The following ZNF556 variants were observed in gnomAD, a reference collection of about 807,000 sequenced individuals.
ZNF556 encodes zinc finger protein 556.
Under a neutral mutation model 13.6 loss-of-function variants are expected in ZNF556, and 11 were observed. That is an observed-to-expected ratio of 0.81 (90% CI 0.51 to 1.33). The LOEUF is 1.33. ZNF556 is among the 40% of genes most tolerant of loss of function. The pLI, the probability that ZNF556 is intolerant of heterozygous loss-of-function variation, is 0.00. For synonymous variants in ZNF556, 229 were observed against 207.8 expected, an observed-to-expected ratio of 1.10 and a Z score of -0.88; for missense variants, 633 against 566.2, an observed-to-expected ratio of 1.12 and a Z score of -1.20.
rs756162197 is a variant in ZNF556 at position 2,877,419 on chromosome 19, A to G, written c.461A>G (p.Lys154Arg). 1.2e-6 allele frequency: 2 copies of G among 1,614,110 alleles called. No homozygotes were observed. Among genetic ancestry groups the G allele is most frequent in the Non-Finnish European group, 1.7e-6 (2 of 1,180,036 alleles). The change falls in exon 4 of 4, where the codon AAA (lysine) becomes AGA (arginine). Residue 154 changes from lysine (K) to arginine (R), a missense_variant. Transcript: ENST00000307635. The part of the protein sequence containing the change: ...VRRYECSQCG[K>R]LFTHSSSLIR... ...CGGTACGAATGCAGTCAGTGTGGAA[A>G]ACTCTTCACCCATTCCTCATCCCTG... is the stretch of plus-strand genomic sequence containing the variant.
At chr19:2,873,242 G>T (rs1390553360) in intron 1 of ZNF556, among the ~76,000 whole-genome samples, 1 of 152,142 alleles carries the variant, frequency 6.6e-6, no homozygotes, top group South Asian at 2.1e-4. Context: ...CTTCATGGCA[G>T]TCATTTCCCA....
At chr19:2,871,193 T>A (rs1350477001) in intron 1 of ZNF556, among the ~76,000 whole-genome samples, 1 of 151,590 alleles carries the variant, frequency 6.6e-6, no homozygotes, top group African/African-American at 2.4e-5. Flanking sequence ...GACATACACA[T>A]ATATACAGTT....
intron 2 of ZNF556, chr19:2,875,393 C>T (rs1422619933): frequency 6.6e-6 from 1 of 151,818 alleles, no homozygotes; most frequent in Non-Finnish European, 1.5e-5. Context: ...CAGGGTTTCA[C>T]CATGTTAGCC....
Position 2,883,026 on chromosome 19 carries a change from T to C in ZNF556, c.*4697T>C, listed in dbSNP as rs939694654. The C allele has an allele frequency of 1.3e-5, 2 of 152,236 alleles. No homozygotes were observed. Among genetic ancestry groups the C allele is most frequent in the Non-Finnish European group, 2.9e-5 (2 of 68,048 alleles). 9.4% of individuals were successfully genotyped at this position (152,236 alleles called of 1,614,324 possible). A position where few individuals can be genotyped will look rare whatever the true frequency, so the allele number is the denominator to read the frequency against. ...CCCCTACACACTGATGGAAAAATTG[T>C]GTTCTGCAGAAAACTAGAGTTCCTC... On this transcript the variant is annotated 3_prime_UTR_variant, in exon 4 of 4. Transcript: ENST00000307635.
intron 2 of ZNF556, among the ~76,000 whole-genome samples, chr19:2,874,246 G>A (rs1313037753): frequency 6.6e-6 from 1 of 151,972 alleles, no homozygotes; most frequent in Non-Finnish European, 1.5e-5. Flanking sequence ...CATAGAGTGA[G>A]ACTCCGTCTC....
chr19:2,867,469 G>C, intron 1 of ZNF556, 45 bp downstream of exon 1: 1 of 1,571,638 alleles, frequency 6.4e-7, no homozygotes, highest in Non-Finnish European at 8.6e-7. Context: ...GCCCTGGGAG[G>C]GGAGGGTTGG....
In ZNF556 at chr19:2,879,193, A is replaced by G. The variant is rs909290338; in HGVS notation, c.*864A>G. The stretch of plus-strand genomic sequence containing the variant: ...GCTATTGGTCAGAGAATCCTTCTTC[A>G]TTTTGCTTGTGGACTAATAGGTAGT... On this transcript the variant is annotated 3_prime_UTR_variant, in exon 4 of 4. Transcript: ENST00000307635. The G allele has an allele frequency of 1.3e-5, 2 of 152,092 alleles. No homozygotes were observed. The highest frequency in any genetic ancestry group is 4.8e-5 in the African/African-American group (2 of 41,414). 9.4% of individuals were successfully genotyped at this position (152,092 alleles called of 1,614,324 possible).
rs2087764002 is a variant in ZNF556, at chr19:2,867,355, G to A, written c.-67G>A. ...GCCCTGAGTGACCACAGGTGTCCCC[G>A]TCGTGCTCACCTGCACCGGCTGCGA... On this transcript the variant is annotated 5_prime_UTR_variant, in exon 1 of 4. Coordinates refer to ENST00000307635, the MANE Select transcript of ZNF556 (RefSeq NM_024967.3). 3.2e-6 allele frequency: 5 copies of A among 1,558,328 alleles called. No homozygotes were observed. The highest frequency in any genetic ancestry group is 2.3e-5 in the East Asian group (1 of 42,556).
chr19:2,868,367 T>C (rs1230174372), intron 1 of ZNF556, among the ~76,000 whole-genome samples: 1 of 152,250 alleles, frequency 6.6e-6, no homozygotes, highest in Non-Finnish European at 1.5e-5. Flanking sequence ...TATTCTCCTT[T>C]TCCAGGATGG....
chr19:2,877,612 C>T lies in ZNF556; in HGVS notation c.654C>T (p.Leu218=), dbSNP rs535219389. Residue 218 remains leucine, a synonymous_variant, in exon 4 of 4, where the codon CTC becomes CTT. Coordinates refer to ENST00000307635, the MANE Select transcript of ZNF556 (RefSeq NM_024967.3). Reference sequence around the variant, plus strand: ...AGACATTTCTTCGTTCCCACTCTCTCACTGAACATGTAAGGACTCACACTG... The same window carrying T: ...AGACATTTCTTCGTTCCCACTCTCTTACTGAACATGTAAGGACTCACACTG... The part of the protein sequence containing the change: ...CGKTFLRSHS[L]TEHVRTHTGE... 15 of 1,614,068 alleles carry T rather than the reference C, an allele frequency of 9.3e-6. No homozygotes were observed. Among genetic ancestry groups the T allele is most frequent in the African/African-American group, 1.3e-5 (1 of 74,926 alleles).
Position 2,882,513 on chromosome 19 carries a change from T to TTATATATATATATATA in ZNF556, c.*4187_*4202dup, listed in dbSNP as rs10624714. The TTATATATATATATATA allele has an allele frequency of 7.2e-6, 1 of 138,880 alleles. No homozygotes were observed. Among genetic ancestry groups the TTATATATATATATATA allele is most frequent in the African/African-American group, 2.7e-5 (1 of 36,620 alleles). 8.6% of individuals were successfully genotyped at this position (138,880 alleles called of 1,614,324 possible). Reference sequence around the variant, plus strand: ...AATTTTAGGGCATGATGTATACATTTTATATATATATATATATAGTGTGTG... The same window carrying TTATATATATATATATA: ...AATTTTAGGGCATGATGTATACATTTTATATATATATATATATATATATATATATATATAGTGTGTG... On this transcript the variant is annotated 3_prime_UTR_variant, in exon 4 of 4. Coordinates refer to ENST00000307635, the MANE Select transcript of ZNF556 (RefSeq NM_024967.3).
chr19:2,879,114 A>G lies in ZNF556; in HGVS notation c.*785A>G, dbSNP rs750789142. ...CCTTTCCATTTTACAGGGAAAAACT[A>G]TTTTTAATGTTAATACTTTCTACTT... On this transcript the variant is annotated 3_prime_UTR_variant, in exon 4 of 4. Coordinates refer to ENST00000307635, the MANE Select transcript of ZNF556 (RefSeq NM_024967.3). 3 of 152,078 alleles carry G rather than the reference A, an allele frequency of 2.0e-5. No individual in the cohort carries two copies. The highest frequency in any genetic ancestry group is 6.6e-5 in the Admixed American group (1 of 15,240). 9.4% of individuals were successfully genotyped at this position (152,078 alleles called of 1,614,324 possible). A position where few individuals can be genotyped will look rare whatever the true frequency, so the allele number is the denominator to read the frequency against.
chr19:2,873,344 T>C, intron 1 of ZNF556, 152 bp from the exon 2 acceptor site: 1 of 855,754 alleles, frequency 1.2e-6, no homozygotes, highest in Non-Finnish European at 1.8e-6. Flanking sequence ...AGGAAGTGAT[T>C]ACAGACAGAG....
chr19:2,881,286 T>C lies in ZNF556; in HGVS notation c.*2957T>C, dbSNP rs929208346. ...ACTAATAAAACAAGTTTAAACTTTA[T>C]TGGAGCCCAGTAGCAATGGCTCACG... On this transcript the variant is annotated 3_prime_UTR_variant, in exon 4 of 4. Coordinates refer to ENST00000307635, the MANE Select transcript of ZNF556 (RefSeq NM_024967.3). 1 of 152,210 alleles carries C rather than the reference T, an allele frequency of 6.6e-6. No individual in the cohort carries two copies. The highest frequency in any genetic ancestry group is 1.5e-5 in the Non-Finnish European group (1 of 68,044). The allele number at this position is 152,210 out of a possible 1,614,324, so 9.4% of individuals were successfully genotyped here.
chr19:2,882,162 T>A lies in ZNF556; in HGVS notation c.*3833T>A, dbSNP rs2087908729. The A allele has an allele frequency of 6.6e-6, 1 of 152,118 alleles. No homozygotes were observed. 9.4% of individuals were successfully genotyped at this position (152,118 alleles called of 1,614,324 possible). A position where few individuals can be genotyped will look rare whatever the true frequency, so the allele number is the denominator to read the frequency against. On this transcript the variant is annotated 3_prime_UTR_variant, in exon 4 of 4. Transcript: ENST00000307635. ...TATTTCCCTGGCCGGGCGCGGTGGC[T>A]CACGCCTGTAATCCCAGCACTTTGG...
intron 3 of ZNF556, 25 bp downstream of exon 3, chr19:2,876,301 G>T: frequency 1.3e-6 from 2 of 1,548,824 alleles, no homozygotes; most frequent in Non-Finnish European, 1.7e-6. Flanking sequence ...GAAGAAAAAG[G>T]CAGTATCGCC....
chr19:2,878,641 A>C lies in ZNF556; in HGVS notation c.*312A>C, dbSNP rs1171070288. On this transcript the variant is annotated 3_prime_UTR_variant, in exon 4 of 4. Transcript: ENST00000307635. ...CAGTGAGCCGAGATGGCACCACTGCACTCCAGCCTGGGTGACAGAGCGAGA... is the reference window on the plus strand; with the variant it reads ...CAGTGAGCCGAGATGGCACCACTGCCCTCCAGCCTGGGTGACAGAGCGAGA... 4.6e-6 allele frequency: 1 copy of C among 217,138 alleles called. No homozygotes were observed. Among genetic ancestry groups the C allele is most frequent in the Non-Finnish European group, 9.3e-6 (1 of 107,782 alleles). The allele number at this position is 217,138 out of a possible 1,614,324, so 13.5% of individuals were successfully genotyped here.
rs758662183 is a variant in ZNF556, at chr19:2,877,566, A to G, written c.608A>G (p.Tyr203Cys). 5 of 1,614,090 alleles carry G rather than the reference A, an allele frequency of 3.1e-6. No homozygotes were observed. Among genetic ancestry groups the G allele is most frequent in the Non-Finnish European group, 4.2e-6 (5 of 1,180,048 alleles). Residue 203 changes from tyrosine (Y) to cysteine (C), a missense_variant, in exon 4 of 4, where the codon TAT becomes TGT. By Grantham distance (194) the Tyr-to-Cys change is radical. Transcript: ENST00000307635. Reference protein sequence around the residue: ...HEKTHSGEKPYACQSCGKTFL... With the variant: ...HEKTHSGEKPCACQSCGKTFL... ...AAAACTCACAGTGGAGAGAAACCCT[A>G]TGCCTGTCAATCTTGCGGGAAGACA...
At position 2,877,554 on chromosome 19, in the gene ZNF556, G is replaced by T. The variant is rs368209625; in HGVS notation, c.596G>T (p.Gly199Val). 6.2e-7 allele frequency: 1 copy of T among 1,614,056 alleles called. No homozygotes were observed. Among genetic ancestry groups the T allele is most frequent in the African/African-American group, 1.3e-5 (1 of 74,914 alleles). ...YLQTHEKTHS[G>V]EKPYACQSCG... is the part of the protein sequence containing the mutation. ...CAGACGCATGAGAAAACTCACAGTG[G>T]AGAGAAACCCTATGCCTGTCAATCT... is the stretch of plus-strand genomic sequence containing the variant. The change falls in exon 4 of 4, where the codon GGA becomes GTA. Residue 199 changes from glycine (G) to valine (V), a missense_variant. Physicochemically the swap from Gly to Val is moderately radical, Grantham distance 109 (BLOSUM62 -3). Transcript: ENST00000307635.
Sources: allele counts gnomAD v4.1 joint callset (sites outside exome capture counted in the v4.1 genomes callset), GRCh38; gene constraint gnomAD v4.1.1; transcripts MANE v1.5; gene names NCBI Gene and HGNC (gene_info 2026-07-23, HGNC 2026-07-21).